Variants in PCNX3 observed in about 807,000 individuals in gnomAD.
PCNX3 encodes pecanex 3.
PCNX3 carries 58 observed loss-of-function variants against 207.2 expected under a neutral mutation model. The observed-to-expected ratio is 0.28, with a 90% CI of 0.23 to 0.35. The LOEUF (loss-of-function observed/expected upper bound fraction) is 0.35. Ranked by LOEUF, PCNX3 falls within the 10% of genes least tolerant of loss-of-function variation. The pLI, the probability that PCNX3 is intolerant of heterozygous loss-of-function variation, is 1.00. For synonymous variants in PCNX3, 1,337 were observed against 1,183.5 expected, an observed-to-expected ratio of 1.13 and a Z score of -2.66; for missense variants, 2,410 against 2,774.4, an observed-to-expected ratio of 0.87 and a Z score of 2.95.
At position 65,635,271 on chromosome 11, in the gene PCNX3, C is replaced by T. The variant is rs765789745; in HGVS notation, c.5007C>T (p.Ala1669=). The T allele has an allele frequency of 2.5e-6, 4 of 1,590,498 alleles. No homozygotes were observed. Among genetic ancestry groups the T allele is most frequent in the South Asian group, 1.1e-5 (1 of 88,486 alleles). Residue 1669 remains alanine, a synonymous_variant, in exon 31 of 35, where the codon GCC becomes GCT. Transcript: ENST00000355703. This position sits in a 1 kb window ranked among gnomAD's most constrained non-coding sequence, Gnocchi z 9.9. The stretch of plus-strand genomic sequence containing the variant: ...AGGAGCCAGCAGCCCTATACGATGC[C>T]ATTGCGGCCAACGAGGAGCGGCTGG... ...EYEEPAALYD[A]IAANEERLVI... is the part of the protein sequence containing the mutation.
chr11:65,629,642 G>T lies in PCNX3; in HGVS notation c.4123G>T (p.Val1375Phe). 1 of 1,600,328 alleles carries T rather than the reference G, an allele frequency of 6.2e-7. No individual in the cohort carries two copies. Among genetic ancestry groups the T allele is most frequent in the Non-Finnish European group, 8.5e-7 (1 of 1,173,494 alleles). Residue 1375 changes from valine to phenylalanine, a missense_variant, in exon 26 of 35, where the codon GTC becomes TTC. Transcript: ENST00000355703. ...CAACTATGGCCCTGGTGACTGCTTCGTCCTGGCCTCTGACTACCTCAACGC... is the reference window on the plus strand; with the variant it reads ...CAACTATGGCCCTGGTGACTGCTTCTTCCTGGCCTCTGACTACCTCAACGC... ...WGNYGPGDCF[V>F]LASDYLNALV... is the part of the protein sequence containing the mutation.
In PCNX3 at chr11:65,635,946, C is replaced by A. The variant is rs570953486; in HGVS notation, c.5459+143C>A. 1.4e-4 allele frequency: 182 copies of A among 1,302,848 alleles called. 2 individuals carry two copies. In the South Asian group the frequency reaches 1.6e-3, roughly 12 times the overall value. 80.7% of individuals were successfully genotyped at this position (1,302,848 alleles called of 1,614,324 possible). A position where few individuals can be genotyped will look rare whatever the true frequency, so the allele number is the denominator to read the frequency against. On this transcript the variant is annotated intron_variant, in intron 32 of 34. Transcript: ENST00000355703. This position sits in a 1 kb window ranked among gnomAD's most constrained non-coding sequence, Gnocchi z 9.9. ...CCCCTCCCAGAGCTGACCTGCCCCT[C>A]CTAGATGTCACCTTACCCCCAGAGC... is the stretch of plus-strand genomic sequence containing the variant.
intron 27 of PCNX3, among the ~76,000 whole-genome samples, chr11:65,630,944 C>T (rs768065145): frequency 1.2e-4 from 19 of 152,228 alleles, no homozygotes; most frequent in Non-Finnish European, 2.2e-4. Flanking sequence ...ACAGTTGTCA[C>T]GTTAACGATC....
At position 65,635,416 on chromosome 11, in the gene PCNX3, A is replaced by G; in HGVS notation, c.5152A>G (p.Asn1718Asp). Reference protein sequence around the residue: ...ASDEYKIIMLNRRHLSFRVIK... With the variant: ...ASDEYKIIMLDRRHLSFRVIK... ...CGACGAGTACAAGATCATCATGCTC[A>G]ACCGGCGCCACCTCAGCTTCCGAGT... The change falls in exon 31 of 35, where the codon AAC (asparagine) becomes GAC (aspartate). Residue 1718 changes from asparagine (N) to aspartate (D), a missense_variant. Around this residue, in one of 8 missense-constraint regions of PCNX3, gnomAD observed 420 missense variants for 705.3 expected, o/e 0.60. Coordinates refer to ENST00000355703, the MANE Select transcript of PCNX3 (RefSeq NM_032223.4). This position sits in a 1 kb window ranked among gnomAD's most constrained non-coding sequence, Gnocchi z 9.9. 6.2e-7 allele frequency: 1 copy of G among 1,611,884 alleles called. No individual in the cohort carries two copies. The highest frequency in any genetic ancestry group is 8.5e-7 in the Non-Finnish European group (1 of 1,179,670).
chr11:65,624,190 C>T lies in PCNX3; in HGVS notation c.2545-5C>T. 1 of 1,601,398 alleles carries T rather than the reference C, an allele frequency of 6.2e-7. No individual in the cohort carries two copies. Among genetic ancestry groups the T allele is most frequent in the Non-Finnish European group, 8.5e-7 (1 of 1,175,866 alleles). ...GACCCAGCTCCTCATGGGCTGACCC[C>T]TCAGGGCCACAACTGGGTGATCGCG... On this transcript the variant is annotated splice_region_variant and splice_polypyrimidine_tract_variant and intron_variant, in intron 13 of 34. Transcript: ENST00000355703.
Position 65,635,866 on chromosome 11 carries a change from C to A in PCNX3, c.5459+63C>A. 6.6e-7 allele frequency: 1 copy of A among 1,523,378 alleles called. No homozygotes were observed. Among genetic ancestry groups the A allele is most frequent in the East Asian group, 2.3e-5 (1 of 42,782 alleles). The allele number at this position is 1,523,378 out of a possible 1,614,324, so 94.4% of individuals were successfully genotyped here. On this transcript the variant is annotated intron_variant, in intron 32 of 34. Transcript: ENST00000355703. The surrounding 1 kb of genome is among the most constrained non-coding windows in gnomAD (Gnocchi z 9.9). The stretch of plus-strand genomic sequence containing the variant: ...GAAGCTGAGGTGCAGTACGTCCCTC[C>A]TGGGTCTCAGAGGGAGGACGTGCTG...
intron 29 of PCNX3, 60 bp from the exon 30 acceptor site, chr11:65,634,913 A>G: frequency 6.4e-7 from 1 of 1,564,830 alleles, no homozygotes; most frequent in Non-Finnish European, 8.7e-7. Context: ...ATCACTCTGA[A>G]GCCTTACCCC....
chr11:65,635,879 G>GCTT lies in PCNX3; in HGVS notation c.5459+76_5459+77insCTT, dbSNP rs1855812447. On this transcript the variant is annotated intron_variant, in intron 32 of 34. Coordinates refer to ENST00000355703, the MANE Select transcript of PCNX3 (RefSeq NM_032223.4). The surrounding 1 kb of genome is among the most constrained non-coding windows in gnomAD (Gnocchi z 9.9). Reference sequence around the variant, plus strand: ...AGTACGTCCCTCCTGGGTCTCAGAGGGAGGACGTGCTGGAGCCAGGGCTTG... The same window carrying GCTT: ...AGTACGTCCCTCCTGGGTCTCAGAGGCTTGAGGACGTGCTGGAGCCAGGGCTTG... 6.7e-7 allele frequency: 1 copy of GCTT among 1,493,324 alleles called. No individual in the cohort carries two copies. The highest frequency in any genetic ancestry group is 2.2e-5 in the Admixed American group (1 of 45,702). 92.5% of individuals were successfully genotyped at this position (1,493,324 alleles called of 1,614,324 possible).
chr11:65,626,833 C>T (rs1389908791), intron 20 of PCNX3, 71 bp from the exon 21 acceptor site: 1 of 1,548,900 alleles, frequency 6.5e-7, no homozygotes, highest in Non-Finnish European at 8.7e-7. Context: ...GCCTGCCCTC[C>T]TAGGGAAGGA....
chr11:65,636,303 G>A lies in PCNX3; in HGVS notation c.5589G>A (p.Thr1863=), dbSNP rs375600022. ...TGGCACACCCCACACCTGAGAACAC[G>A]GCAGGTGAGCAGGCGAGGCTGGGCT... is the stretch of plus-strand genomic sequence containing the variant. The part of the protein sequence containing the change: ...PPVAHPTPEN[T]AGNGDQPLPP... The change falls in exon 33 of 35, where the codon ACG becomes ACA. Residue 1863 remains threonine, a synonymous_variant. Coordinates refer to ENST00000355703, the MANE Select transcript of PCNX3 (RefSeq NM_032223.4). The A allele has an allele frequency of 2.7e-5, 44 of 1,610,950 alleles. No individual in the cohort carries two copies. The highest frequency in any genetic ancestry group is 1.2e-4 in the Admixed American group (7 of 59,594).
At position 65,625,067 on chromosome 11, in the gene PCNX3, G is replaced by A; in HGVS notation, c.2919+51G>A. 1 of 1,580,044 alleles carries A rather than the reference G, an allele frequency of 6.3e-7. No homozygotes were observed. The stretch of plus-strand genomic sequence containing the variant: ...CATGCTGCAGTGCGTAAGGGTGGTT[G>A]GGGCGGGGCTGTGAACTGGGCTCAG... On this transcript the variant is annotated intron_variant, in intron 16 of 34. Coordinates refer to ENST00000355703, the MANE Select transcript of PCNX3 (RefSeq NM_032223.4). This position sits in a 1 kb window ranked among gnomAD's most constrained non-coding sequence, Gnocchi z 5.6.
chr11:65,617,671 G>T lies in PCNX3; in HGVS notation c.542G>T (p.Arg181Leu). 6.3e-7 allele frequency: 1 copy of T among 1,582,714 alleles called. No individual in the cohort carries two copies. Among genetic ancestry groups the T allele is most frequent in the South Asian group, 1.1e-5 (1 of 87,520 alleles). ...SNNVIVTSADREMLKLSSQEK... is the reference protein window; with the variant it reads ...SNNVIVTSADLEMLKLSSQEK... ...AATGTGATCGTGACTTCTGCCGACC[G>T]AGAGATGCTGAAGCTCAGCTCGCAG... Residue 181 changes from arginine (R) to leucine (L), a missense_variant, in exon 5 of 35, where the codon CGA becomes CTA. By Grantham distance (102) the Arg-to-Leu change is moderately radical. This residue lies in a region of PCNX3 where 1,104 missense variants were observed against 970.3 expected (regional missense o/e 1.14). Coordinates refer to ENST00000355703, the MANE Select transcript of PCNX3 (RefSeq NM_032223.4).
Position 65,619,081 on chromosome 11 carries a change from C to T in PCNX3, c.1705+14C>T. ...CTGTGGGGGGAGGTGAGTGCTTGCT[C>T]TAGAGGCAGGGGCTGGGGGACGTGA... On this transcript the variant is annotated intron_variant, in intron 6 of 34. Coordinates refer to ENST00000355703, the MANE Select transcript of PCNX3 (RefSeq NM_032223.4). The T allele has an allele frequency of 6.4e-7, 1 of 1,573,702 alleles. No individual in the cohort carries two copies. Among genetic ancestry groups the T allele is most frequent in the Non-Finnish European group, 8.6e-7 (1 of 1,164,314 alleles).
At position 65,618,434 on chromosome 11, in the gene PCNX3, A is replaced by G. The variant is rs1445171066; in HGVS notation, c.1072A>G (p.Thr358Ala). Residue 358 changes from threonine (T) to alanine (A), a missense_variant, in exon 6 of 35, where the codon ACG becomes GCG. Thr to Ala is a moderately conservative substitution (Grantham distance 58, BLOSUM62 0). This residue lies in a region of PCNX3 where 1,104 missense variants were observed against 970.3 expected (regional missense o/e 1.14). Coordinates refer to ENST00000355703, the MANE Select transcript of PCNX3 (RefSeq NM_032223.4). ...SPDAGVPSDD[T>A]LRSFDTVIGA... ...AGACGCCGGGGTCCCCTCAGATGACACGCTGCGTTCCTTTGACACGGTCAT... is the reference window on the plus strand; with the variant it reads ...AGACGCCGGGGTCCCCTCAGATGACGCGCTGCGTTCCTTTGACACGGTCAT... 1.2e-6 allele frequency: 2 copies of G among 1,611,726 alleles called. No individual in the cohort carries two copies. The highest frequency in any genetic ancestry group is 3.3e-5 in the Admixed American group (2 of 59,760).
At position 65,636,661 on chromosome 11, in the gene PCNX3, GC is replaced by G; in HGVS notation, c.5868del (p.Gly1958GlufsTer10). 1 of 1,584,030 alleles carries G rather than the reference GC, an allele frequency of 6.3e-7. No homozygotes were observed. The highest frequency in any genetic ancestry group is 8.6e-7 in the Non-Finnish European group (1 of 1,167,636). On this transcript the variant is annotated frameshift_variant, in exon 34 of 35. Coordinates refer to ENST00000355703, the MANE Select transcript of PCNX3 (RefSeq NM_032223.4). LOFTEE classifies it high-confidence loss of function. ...TCTGACGGGGAGCCAGCCTCAGGGA[GC>G]CCCAAAGGAGGTACCCCCAAATCTC... ...GGSDGEPASG[S>X]PKGGTPKSQA...
chr11:65,622,566 T>C (rs12795163), intron 11 of PCNX3, among the ~76,000 whole-genome samples, 200 bp downstream of exon 11: 51 of 152,288 alleles, frequency 3.3e-4, no homozygotes, highest in Non-Finnish European at 6.0e-4. Flanking sequence ...TGGGTGGTGC[T>C]GTATTAAATC....
At chr11:65,628,430 C>T (rs1211169794) in intron 22 of PCNX3, among the ~76,000 whole-genome samples, 165 bp from the exon 23 acceptor site, 1 of 152,196 alleles carries the variant, frequency 6.6e-6, no homozygotes, top group Admixed American at 6.5e-5. Context: ...TGGCATCAGG[C>T]GCCTTGAGCC....
At chr11:65,621,520 G>A (rs1273617316) in intron 10 of PCNX3, among the ~76,000 whole-genome samples, 3 of 152,204 alleles carry the variant, frequency 2.0e-5, no homozygotes, top group Non-Finnish European at 1.5e-5. Context: ...AAGGGTACCC[G>A]GCACCTGACC....
rs1158020577 is a variant in PCNX3, at chr11:65,636,313, C to T, written c.5593+6C>T. 6 of 1,611,016 alleles carry T rather than the reference C, an allele frequency of 3.7e-6. No individual in the cohort carries two copies. The African/African-American group carries it at 8.0e-5, about 22-fold the overall frequency. ...CACACCTGAGAACACGGCAGGTGAGCAGGCGAGGCTGGGCTGAACCCGTGG... is the reference window on the plus strand; with the variant it reads ...CACACCTGAGAACACGGCAGGTGAGTAGGCGAGGCTGGGCTGAACCCGTGG... On this transcript the variant is annotated splice_donor_region_variant and intron_variant, in intron 33 of 34. Coordinates refer to ENST00000355703, the MANE Select transcript of PCNX3 (RefSeq NM_032223.4).
Sources: gnomAD v4.1 joint callset for allele counts (sites outside exome capture counted in the v4.1 genomes callset) on GRCh38, gnomAD v4.1.1 for gene constraint, gnomAD v4.1.1 regional missense constraint, Gnocchi (gnomAD v3.1) non-coding constraint, MANE v1.5 for transcripts, NCBI Gene and HGNC (gene_info 2026-07-23, HGNC 2026-07-21) for gene names.